The following GTF2E2 variants were observed in gnomAD, a reference collection of about 807,000 sequenced individuals.
GTF2E2 encodes the protein general transcription factor IIE subunit 2.
In GTF2E2, 21 loss-of-function variants were observed where a neutral mutation model predicts 40.5. The ratio of observed to expected loss-of-function variants is 0.52; its 90% CI spans 0.37 to 0.75. GTF2E2 has a LOEUF of 0.75. Ranked by LOEUF, GTF2E2 falls within the 30% of genes least tolerant of loss-of-function variation. GTF2E2 has a pLI of 0.00. For missense variants in GTF2E2, 298 were observed against 338.4 expected (o/e 0.88, Z 0.94); for synonymous variants, 117 against 121.6 (o/e 0.96, Z 0.25).
intron 6 of GTF2E2, among the ~76,000 whole-genome samples, chr8:30,599,947 C>A (rs1223112493): frequency 1.3e-5 from 2 of 152,162 alleles, no homozygotes; most frequent in African/African-American, 4.8e-5. Context: ...CACGCCACTG[C>A]ACCCCAGCCT....
At chr8:30,609,466 G>C (rs999779299) in intron 5 of GTF2E2, among the ~76,000 whole-genome samples, 3 of 151,900 alleles carry the variant, frequency 2.0e-5, no homozygotes, top group African/African-American at 7.3e-5. Flanking sequence ...TAAAATAAAT[G>C]AAAGAACCTG....
intron 6 of GTF2E2, among the ~76,000 whole-genome samples, chr8:30,595,226 A>C (rs1466412096): frequency 6.6e-6 from 1 of 152,230 alleles, no homozygotes; most frequent in African/African-American, 2.4e-5. Flanking sequence ...ACAGTATACT[A>C]GACCAATTAT....
At chr8:30,634,363 A>G (rs1469697780) in intron 3 of GTF2E2, among the ~76,000 whole-genome samples, 1 of 152,068 alleles carries the variant, frequency 6.6e-6, no homozygotes, top group Non-Finnish European at 1.5e-5. Flanking sequence ...CAGGAGGATC[A>G]CTTGACCACA....
At chr8:30,653,284 G>C (rs890773927) in intron 2 of GTF2E2, 149 bp downstream of exon 2, 17 of 624,502 alleles carry the variant, frequency 2.7e-5, no homozygotes, top group Non-Finnish European at 4.8e-5. Flanking sequence ...AACATCCTAA[G>C]AGCTTAAATT....
chr8:30,647,625 C>A (rs1802140017), intron 2 of GTF2E2, among the ~76,000 whole-genome samples: 1 of 152,164 alleles, frequency 6.6e-6, no homozygotes, highest in Admixed American at 6.5e-5. Flanking sequence ...AATAACTCTT[C>A]CACAAAGTAT....
chr8:30,658,158 C>T lies in GTF2E2; in HGVS notation c.-190G>A. 1 of 195,084 alleles carries T rather than the reference C, an allele frequency of 5.1e-6. No individual in the cohort carries two copies. The highest frequency in any genetic ancestry group is 1.0e-5 in the Non-Finnish European group (1 of 96,324). The allele number at this position is 195,084 out of a possible 1,614,324, so 12.1% of individuals were successfully genotyped here. A position where few individuals can be genotyped will look rare whatever the true frequency, so the allele number is the denominator to read the frequency against. ...CCACTGGCGGTGGCGGCGGCGGCGG[C>T]GGCAGCGGCGGTAGCTGAGGCGGCG... On this transcript the variant is annotated 5_prime_UTR_variant, in exon 1 of 8. Coordinates refer to ENST00000355904, the MANE Select transcript of GTF2E2 (RefSeq NM_002095.6).
intron 6 of GTF2E2, among the ~76,000 whole-genome samples, chr8:30,580,777 T>G (rs1585928632): frequency 6.6e-6 from 1 of 152,042 alleles, no homozygotes; most frequent in African/African-American, 2.4e-5. Context: ...TAATAGAAAA[T>G]AAGAAACGTG....
intron 6 of GTF2E2, among the ~76,000 whole-genome samples, chr8:30,586,121 A>G (rs1339439154): frequency 6.6e-6 from 1 of 152,194 alleles, no homozygotes; most frequent in Non-Finnish European, 1.5e-5. Context: ...CTCAACGAGC[A>G]ACACGCCATG....
At chr8:30,645,241 G>A in intron 2 of GTF2E2, 1 of 1,418,630 alleles carries the variant, frequency 7.0e-7, no homozygotes, top group Non-Finnish European at 9.3e-7. Context: ...TAACAGATCT[G>A]TAGTTTGCTA....
intron 3 of GTF2E2, among the ~76,000 whole-genome samples, chr8:30,628,149 A>C (rs1801339056): frequency 6.6e-6 from 1 of 152,236 alleles, no homozygotes; most frequent in Non-Finnish European, 1.5e-5. Flanking sequence ...CTTTCAACAC[A>C]AATGTGAACC....
chr8:30,612,562 T>G, intron 4 of GTF2E2, 81 bp from the exon 5 acceptor site: 1 of 847,292 alleles, frequency 1.2e-6, no homozygotes, highest in Non-Finnish European at 1.7e-6. Context: ...AATCTTGCTC[T>G]GTCGCCCAGG....
At chr8:30,599,242 A>C (rs1047783040) in intron 6 of GTF2E2, among the ~76,000 whole-genome samples, 4 of 151,576 alleles carry the variant, frequency 2.6e-5, no homozygotes, top group Non-Finnish European at 5.9e-5. Context: ...ACACAGCACT[A>C]TCTGTAACAG....
chr8:30,610,648 T>C (rs770080656), intron 5 of GTF2E2, among the ~76,000 whole-genome samples: 1 of 152,036 alleles, frequency 6.6e-6, no homozygotes, highest in African/African-American at 2.4e-5. Flanking sequence ...GATATCCACA[T>C]GAAAAGGAAT....
intron 5 of GTF2E2, 49 bp downstream of exon 5, chr8:30,612,250 C>T: frequency 1.7e-6 from 2 of 1,151,856 alleles, no homozygotes; most frequent in Non-Finnish European, 2.6e-6. Context: ...ACCAAGAAGT[C>T]ATTATTCATT....
intron 2 of GTF2E2, among the ~76,000 whole-genome samples, chr8:30,647,455 G>A (rs1802134352): frequency 6.6e-6 from 1 of 152,018 alleles, no homozygotes; most frequent in African/African-American, 2.4e-5. Context: ...TGGGAATGGG[G>A]CCCCTGTAAT....
intron 6 of GTF2E2, among the ~76,000 whole-genome samples, chr8:30,595,504 TTC>T (rs1377734991): frequency 6.6e-6 from 1 of 152,206 alleles, no homozygotes; most frequent in Non-Finnish European, 1.5e-5. Flanking sequence ...CCATTTCTGT[TTC>T]TCTGAGAGAG....
chr8:30,632,267 T>C (rs1801460074), intron 3 of GTF2E2, among the ~76,000 whole-genome samples: 1 of 152,238 alleles, frequency 6.6e-6, no homozygotes, highest in Middle Eastern at 3.2e-3. Flanking sequence ...TTTTCAGTCA[T>C]ATAATTTTCA....
At chr8:30,580,250 GGA>G in intron 7 of GTF2E2, 29 bp downstream of exon 7, 1 of 1,181,212 alleles carries the variant, frequency 8.5e-7, no homozygotes, top group Non-Finnish European at 1.3e-6. Context: ...CCAGGGCAGG[GGA>G]TTAAGCTGCT....
rs777283744 is a variant in GTF2E2 at position 30,636,988 on chromosome 8, A to G, written c.167-1865T>C. 11 of 440,222 alleles carry G rather than the reference A, an allele frequency of 2.5e-5. 1 individual carries two copies. Among genetic ancestry groups the G allele is most frequent in the South Asian group, 1.8e-4 (11 of 60,748 alleles). The allele number at this position is 440,222 out of a possible 1,614,324, so 27.3% of individuals were successfully genotyped here. On this transcript the variant is annotated intron_variant, in intron 2 of 7. Transcript: ENST00000355904. The stretch of plus-strand genomic sequence containing the variant: ...GTAATAAAAGTAACCAATATTTATT[A>G]TCTGCTAAACACTATGGTAAATATT...
Sources: allele counts gnomAD v4.1 joint callset (sites outside exome capture counted in the v4.1 genomes callset), GRCh38; gene constraint gnomAD v4.1.1; transcripts MANE v1.5; gene names NCBI Gene and HGNC (gene_info 2026-07-23, HGNC 2026-07-21).